ODAD4: variants seen among roughly 807,000 people sequenced by gnomAD.
ODAD4 encodes the protein outer dynein arm-docking complex subunit 4.
Under a neutral mutation model 51.8 loss-of-function variants are expected in ODAD4, and 49 were observed. That is an observed-to-expected ratio of 0.95 (90% CI 0.75 to 1.20). ODAD4 has a LOEUF of 1.20. ODAD4 is among the 50% of genes most tolerant of loss of function. The pLI is 0.00. For missense variants in ODAD4, 590 were observed against 586.5 expected, an observed-to-expected ratio of 1.01 and a Z score of -0.06; for synonymous variants, 235 against 221.3, an observed-to-expected ratio of 1.06 and a Z score of -0.55.
intron 1 of ODAD4, among the ~76,000 whole-genome samples, chr17:41,934,456 A>G (rs1555637416): frequency 1.3e-5 from 2 of 152,064 alleles, no homozygotes; most frequent in Non-Finnish European, 2.9e-5. Flanking sequence ...GGTTCAAGCA[A>G]TCCTCCCATC....
At position 41,936,381 on chromosome 17, in the gene ODAD4, C is replaced by T. The variant is rs562330451; in HGVS notation, c.398-92C>T. On this transcript the variant is annotated intron_variant, in intron 3 of 11. Transcript: ENST00000377540. The stretch of plus-strand genomic sequence containing the variant: ...GCTTTGCCACAGCCTCCACCATCCC[C>T]CTGCCAAAGGCAGCCATTTCTACAT... 4.9e-5 allele frequency: 45 copies of T among 916,468 alleles called. No individual in the cohort carries two copies. The Admixed American group carries it at 6.7e-4, about 14-fold the overall frequency. The allele number at this position is 916,468 out of a possible 1,614,324, so 56.8% of individuals were successfully genotyped here.
At chr17:41,949,491 A>G in intron 9 of ODAD4, 142 bp downstream of exon 9, 1 of 395,692 alleles carries the variant, frequency 2.5e-6, no homozygotes, top group Non-Finnish European at 4.4e-6. Context: ...AAGCCACTCT[A>G]TTTTGACCAG....
chr17:41,935,853 G>A (rs143117169), intron 3 of ODAD4, 104 bp downstream of exon 3: 18,693 of 1,365,316 alleles, frequency 0.014, 161 homozygotes, highest in Non-Finnish European at 0.016. Flanking sequence ...CACCAGGCCC[G>A]CAGGGAGTCC....
intron 8 of ODAD4, among the ~76,000 whole-genome samples, chr17:41,945,625 G>A (rs985381658): frequency 1.3e-5 from 2 of 152,176 alleles, no homozygotes; most frequent in Non-Finnish European, 2.9e-5. Context: ...TAGGCCGGGC[G>A]CAGTGGCTCA....
Position 41,945,177 on chromosome 17 carries a change from G to A in ODAD4, c.1100G>A (p.Gly367Asp), listed in dbSNP as rs2050568646. 2 of 1,613,242 alleles carry A rather than the reference G, an allele frequency of 1.2e-6. No homozygotes were observed. The highest frequency in any genetic ancestry group is 3.3e-5 in the Admixed American group (2 of 59,904). The change falls in exon 8 of 12, where the codon GGC becomes GAC. Residue 367 changes from glycine to aspartate, a missense_variant. Physicochemically the swap from Gly to Asp is moderately conservative, Grantham distance 94. Transcript: ENST00000377540. ...AAATCGAGAGCCCTTGACAACATTG[G>A]CAGAGTTTTTGCCAGAGTTGGGAAA... ...DAKSRALDNIGRVFARVGKFQ... is the reference protein window; with the variant it reads ...DAKSRALDNIDRVFARVGKFQ...
intron 7 of ODAD4, among the ~76,000 whole-genome samples, chr17:41,942,804 C>T (rs962231370): frequency 7.9e-5 from 12 of 152,056 alleles, no homozygotes; most frequent in African/African-American, 1.4e-4. Context: ...TGCCATGCCT[C>T]GAAACCGGTT....
At chr17:41,955,408 TC>T in intron 10 of ODAD4, 91 bp downstream of exon 10, 1 of 661,722 alleles carries the variant, frequency 1.5e-6, no homozygotes, top group Non-Finnish European at 2.7e-6. Flanking sequence ...TGGGCGCCAT[TC>T]CACAGCCGTT....
chr17:41,943,517 A>AG (rs1555638983), intron 7 of ODAD4, among the ~76,000 whole-genome samples: 1 of 152,166 alleles, frequency 6.6e-6, no homozygotes, highest in Non-Finnish European at 1.5e-5. Flanking sequence ...TTCTTAAGGG[A>AG]GGGGGAGAAT....
Position 41,935,768 on chromosome 17 carries a change from T to C in ODAD4, c.397+19T>C, listed in dbSNP as rs782763655. 1.9e-6 allele frequency: 3 copies of C among 1,613,232 alleles called. No individual in the cohort carries two copies. Among genetic ancestry groups the C allele is most frequent in the East Asian group, 2.2e-5 (1 of 44,886 alleles). On this transcript the variant is annotated intron_variant, in intron 3 of 11. Transcript: ENST00000377540. ...GTGGGAAGTGAGTGACCACAGGGCCTATGCCCTTATCCAGGAAGGTCCTTG... is the reference window on the plus strand; with the variant it reads ...GTGGGAAGTGAGTGACCACAGGGCCCATGCCCTTATCCAGGAAGGTCCTTG...
Position 41,930,703 on chromosome 17 carries a change from G to C in ODAD4, c.-21G>C, listed in dbSNP as rs1555636579. 7 of 1,485,062 alleles carry C rather than the reference G, an allele frequency of 4.7e-6. No homozygotes were observed. In the Admixed American group the frequency reaches 1.1e-4, roughly 22 times the overall value. 92.0% of individuals were successfully genotyped at this position (1,485,062 alleles called of 1,614,324 possible). On this transcript the variant is annotated 5_prime_UTR_variant, in exon 1 of 12. Coordinates refer to ENST00000377540, the MANE Select transcript of ODAD4 (RefSeq NM_031421.5). ...CTTTTCTTTGATTGTCTCTGCTTTA[G>C]CGTCTCTAAATCCGGTCACCATGTC...
At chr17:41,943,613 G>C (rs191550191) in intron 7 of ODAD4, among the ~76,000 whole-genome samples, 2 of 152,344 alleles carry the variant, frequency 1.3e-5, no homozygotes, top group African/African-American at 4.8e-5. Flanking sequence ...AATGTCATCA[G>C]TTAAGGCTAT....
At position 41,965,872 on chromosome 17, in the gene ODAD4, G is replaced by A. The variant is rs531036989; in HGVS notation, c.*389G>A. 2.0e-5 allele frequency among the ~76,000 whole-genome samples: 3 copies of A among 152,308 alleles called. No individual in the cohort carries two copies. Among genetic ancestry groups the A allele is most frequent in the South Asian group, 4.1e-4 (2 of 4,828 alleles). On this transcript the variant is annotated 3_prime_UTR_variant, in exon 12 of 12. Transcript: ENST00000377540. ...TCCCTCCAGTGCGCAGGACAGCGGG[G>A]AGGCTTTATGGATGGAACAGTGGTG...
chr17:41,936,928 G>A lies in ODAD4; in HGVS notation c.625+1G>A, dbSNP rs781893856. ...TTGGAGAAGCTCCTATTGGATGAAG[G>A]TTTCGGACACTTTGTTGGCACGGGG... is the stretch of plus-strand genomic sequence containing the variant. On this transcript the variant is annotated splice_donor_variant, in intron 5 of 11. Transcript: ENST00000377540. LOFTEE classifies it high-confidence loss of function. 1 of 1,613,082 alleles carries A rather than the reference G, an allele frequency of 6.2e-7. No homozygotes were observed. The highest frequency in any genetic ancestry group is 8.5e-7 in the Non-Finnish European group (1 of 1,179,130).
At chr17:41,940,279 A>G (rs2050488194) in intron 7 of ODAD4, among the ~76,000 whole-genome samples, 1 of 152,086 alleles carries the variant, frequency 6.6e-6, no homozygotes, top group Non-Finnish European at 1.5e-5. Flanking sequence ...CCAGAGACAC[A>G]TGCTATGAAC....
At position 41,961,431 on chromosome 17, in the gene ODAD4, A is replaced by G. The variant is rs781896807; in HGVS notation, c.1493A>G (p.Asn498Ser). 1 of 740,220 alleles carries G rather than the reference A, an allele frequency of 1.4e-6. No individual in the cohort carries two copies. The highest frequency in any genetic ancestry group is 1.5e-5 in the South Asian group (1 of 68,744). The allele number at this position is 740,220 out of a possible 1,614,324, so 45.9% of individuals were successfully genotyped here. A position where few individuals can be genotyped will look rare whatever the true frequency, so the allele number is the denominator to read the frequency against. ...ATCATCAGAGAACTGAGGAAAACCA[A>G]CTACGTGGAGAATCTCAAAGAAAAA... ...KGIIRELRKT[N>S]YVENLKEKSE... Residue 498 changes from asparagine (N) to serine (S), a missense_variant, in exon 11 of 12, where the codon AAC becomes AGC. Physicochemically the swap from Asn to Ser is conservative, Grantham distance 46. Around this residue, in one of 3 missense-constraint regions of ODAD4, gnomAD observed 226 missense variants for 162.7 expected, o/e 1.39. Transcript: ENST00000377540.
chr17:41,938,433 GT>G lies in ODAD4; in HGVS notation c.626-121del, dbSNP rs573833775. 1.6e-3 allele frequency: 1,239 copies of G among 773,236 alleles called. 1 individual carries two copies. Among genetic ancestry groups the G allele is most frequent in the Non-Finnish European group, 2.4e-3 (1,150 of 477,856 alleles). The allele number at this position is 773,236 out of a possible 1,614,324, so 47.9% of individuals were successfully genotyped here. ...ACTATGCGCACTCACACTCCTCTCTGTTTCAACAACTCCAAGCAGAGCAAGT... is the reference window on the plus strand; with the variant it reads ...ACTATGCGCACTCACACTCCTCTCTGTTCAACAACTCCAAGCAGAGCAAGT... On this transcript the variant is annotated intron_variant, in intron 5 of 11. Coordinates refer to ENST00000377540, the MANE Select transcript of ODAD4 (RefSeq NM_031421.5).
intron 3 of ODAD4, among the ~76,000 whole-genome samples, chr17:41,936,237 T>C (rs928438247): frequency 6.6e-6 from 1 of 152,208 alleles, no homozygotes; most frequent in Non-Finnish European, 1.5e-5. Flanking sequence ...CCCTGCATCC[T>C]TGGCCTCCCT....
At chr17:41,932,139 G>A (rs2050353276) in intron 1 of ODAD4, among the ~76,000 whole-genome samples, 2 of 151,920 alleles carry the variant, frequency 1.3e-5, no homozygotes, top group African/African-American at 2.4e-5. Flanking sequence ...GCGCAATCTC[G>A]GCTCACCCCA....
In ODAD4 at chr17:41,936,903, T is replaced by C. The variant is rs1555637933; in HGVS notation, c.601T>C (p.Leu201=). 1 of 1,613,960 alleles carries C rather than the reference T, an allele frequency of 6.2e-7. No individual in the cohort carries two copies. The highest frequency in any genetic ancestry group is 8.5e-7 in the Non-Finnish European group (1 of 1,179,878). The change falls in exon 5 of 12, where the codon TTG becomes CTG. Residue 201 remains leucine, a synonymous_variant. Coordinates refer to ENST00000377540, the MANE Select transcript of ODAD4 (RefSeq NM_031421.5). ...LGELYVDKEY[L]EKLLLDEDLI... ...GGAGCTCTACGTGGACAAAGAGTAT[T>C]TGGAGAAGCTCCTATTGGATGAAGG...
Sources: allele counts gnomAD v4.1 joint callset (sites outside exome capture counted in the v4.1 genomes callset), GRCh38; gene constraint gnomAD v4.1.1; regional missense constraint gnomAD v4.1.1; transcripts MANE v1.5; gene names NCBI Gene and HGNC (gene_info 2026-07-23, HGNC 2026-07-21).